The following GPC6 variants were observed in gnomAD, a reference collection of about 807,000 sequenced individuals.
GPC6 encodes the protein glypican-6.
A neutral mutation model predicts 55.2 loss-of-function variants in GPC6; 14 were observed. That is an observed-to-expected ratio of 0.25 (90% CI 0.17 to 0.40). GPC6 has a LOEUF of 0.40. Ranked by LOEUF, GPC6 falls within the 10% of genes least tolerant of loss-of-function variation. The pLI is 1.00. For missense variants in GPC6, 641 were observed against 708.5 expected (o/e 0.90, Z 1.08); for synonymous variants, 278 against 259.6 (o/e 1.07, Z -0.68).
At chr13:94,362,623 C>T (rs1879108946) in intron 6 of GPC6, among the ~76,000 whole-genome samples, 1 of 152,180 alleles carries the variant, frequency 6.6e-6, no homozygotes, top group Middle Eastern at 3.4e-3. Flanking sequence ...TGCCTGGAGA[C>T]GAGGCTGGAC....
chr13:94,173,323 T>G (rs1424895412), intron 4 of GPC6, among the ~76,000 whole-genome samples: 1 of 152,164 alleles, frequency 6.6e-6, no homozygotes, highest in African/African-American at 2.4e-5. Context: ...TTGAAGAGCT[T>G]ACTATTCAGC....
At chr13:93,819,567 G>A (rs1032882833) in intron 2 of GPC6, among the ~76,000 whole-genome samples, 1 of 152,190 alleles carries the variant, frequency 6.6e-6, no homozygotes, top group Admixed American at 6.5e-5. Context: ...AGATTTGCGG[G>A]CCAGGCCCAG....
intron 2 of GPC6, among the ~76,000 whole-genome samples, chr13:93,710,477 T>G (rs2138807670): frequency 6.6e-6 from 1 of 151,868 alleles, no homozygotes; most frequent in South Asian, 2.1e-4. Context: ...ATCCTTGTGA[T>G]GTACACAGAA....
intron 3 of GPC6, among the ~76,000 whole-genome samples, chr13:93,863,558 C>T (rs1326777400): frequency 6.6e-6 from 1 of 151,618 alleles, no homozygotes; most frequent in Admixed American, 6.6e-5. Flanking sequence ...TTAATGAAAA[C>T]AGTAAACTGA....
chr13:93,911,907 A>G (rs866904207), intron 3 of GPC6, among the ~76,000 whole-genome samples: 4 of 152,220 alleles, frequency 2.6e-5, no homozygotes, highest in Non-Finnish European at 4.4e-5. Flanking sequence ...GCAGAAAGGC[A>G]TAGTGGTGTG....
At chr13:93,658,556 T>C (rs1880786704) in intron 2 of GPC6, among the ~76,000 whole-genome samples, 1 of 151,842 alleles carries the variant, frequency 6.6e-6, no homozygotes, top group South Asian at 2.1e-4. Context: ...ATCTTGTTTC[T>C]ACAAGTACTG....
At chr13:93,627,582 A>G (rs371582857) in intron 2 of GPC6, among the ~76,000 whole-genome samples, 3 of 152,112 alleles carry the variant, frequency 2.0e-5, no homozygotes, top group South Asian at 4.1e-4. Context: ...TCTGATGACC[A>G]CTTCTATAAG....
At chr13:93,896,756 G>A (rs935641300) in intron 3 of GPC6, among the ~76,000 whole-genome samples, 5 of 151,950 alleles carry the variant, frequency 3.3e-5, no homozygotes, top group Non-Finnish European at 7.4e-5. Flanking sequence ...TCTCGCATCA[G>A]GTTCATTTCA....
intron 3 of GPC6, among the ~76,000 whole-genome samples, chr13:93,980,808 T>A (rs1241227705): frequency 2.6e-5 from 4 of 152,052 alleles, no homozygotes; most frequent in Non-Finnish European, 4.4e-5. Flanking sequence ...GCTCTGGAGC[T>A]CCTCTTTATA....
At chr13:93,961,007 G>C (rs1398966305) in intron 3 of GPC6, among the ~76,000 whole-genome samples, 2 of 151,766 alleles carry the variant, frequency 1.3e-5, no homozygotes, top group African/African-American at 4.8e-5. Flanking sequence ...GTAGAGGCGG[G>C]GTTTCACCGT....
At position 93,269,873 on chromosome 13, in the gene GPC6, C is replaced by G. The variant is rs868305594; in HGVS notation, c.160+42257C>G. 6.0e-4 allele frequency among the ~76,000 whole-genome samples: 61 copies of G among 102,332 alleles called. 1 individual carries two copies. The highest frequency in any genetic ancestry group is 0.011 in the Middle Eastern group (1 of 88). 67.1% of individuals were successfully genotyped at this position (102,332 alleles called of 152,430 possible). On this transcript the variant is annotated intron_variant, in intron 1 of 8. Transcript: ENST00000377047. ...CGTCACTGCACTCCAGCCTGGGCGA[C>G]AGAGCAAGACTCCATCTCAAAAAAA... is the stretch of plus-strand genomic sequence containing the variant.
chr13:94,095,927 G>C (rs1885639765), intron 4 of GPC6, among the ~76,000 whole-genome samples: 1 of 152,168 alleles, frequency 6.6e-6, no homozygotes, highest in African/African-American at 2.4e-5. Context: ...GTGGACAGAA[G>C]TAGAAAACAG....
intron 4 of GPC6, among the ~76,000 whole-genome samples, chr13:94,259,872 TTGTGTG>T (rs1411608481): frequency 2.6e-5 from 4 of 152,178 alleles, no homozygotes; most frequent in Non-Finnish European, 5.9e-5. Flanking sequence ...TAATACTCTA[TTGTGTG>T]TATACACACA....
At chr13:93,594,573 A>T (rs1398156022) in intron 2 of GPC6, among the ~76,000 whole-genome samples, 1 of 152,102 alleles carries the variant, frequency 6.6e-6, no homozygotes, top group Non-Finnish European at 1.5e-5. Flanking sequence ...GCAGGCTCTA[A>T]GATCAGAGAC....
intron 4 of GPC6, among the ~76,000 whole-genome samples, chr13:94,035,814 A>G (rs1213881482): frequency 2.6e-5 from 4 of 152,002 alleles, no homozygotes; most frequent in Non-Finnish European, 4.4e-5. Context: ...GGATATATAT[A>G]TATTTCGATT....
At chr13:93,699,581 A>G (rs1403504140) in intron 2 of GPC6, among the ~76,000 whole-genome samples, 4 of 152,232 alleles carry the variant, frequency 2.6e-5, no homozygotes, top group South Asian at 4.1e-4. Context: ...TATATAGGGA[A>G]TATACGTTGT....
At chr13:94,144,362 G>A (rs1277330266) in intron 4 of GPC6, among the ~76,000 whole-genome samples, 1 of 150,360 alleles carries the variant, frequency 6.7e-6, no homozygotes, top group Non-Finnish European at 1.5e-5. Context: ...CTGTCCATTC[G>A]TACAACCTGG....
chr13:93,438,594 T>G (rs549682772), intron 1 of GPC6, among the ~76,000 whole-genome samples: 108 of 152,322 alleles, frequency 7.1e-4, no homozygotes, highest in African/African-American at 2.5e-3. Flanking sequence ...AATGAATTCC[T>G]GCAATCTCAT....
intron 1 of GPC6, among the ~76,000 whole-genome samples, chr13:93,458,443 C>T (rs948901429): frequency 6.6e-6 from 1 of 152,104 alleles, no homozygotes. Flanking sequence ...CCTACCCCCC[C>T]ATATAAGTTC....
Sources: gnomAD v4.1 joint callset for allele counts (sites outside exome capture counted in the v4.1 genomes callset) on GRCh38, gnomAD v4.1.1 for gene constraint, MANE v1.5 for transcripts, NCBI Gene and HGNC (gene_info 2026-07-23, HGNC 2026-07-21) for gene names.